The following FKBP7 variants were observed in gnomAD, a reference collection of about 807,000 sequenced individuals.
FKBP7 encodes FKBP prolyl isomerase 7.
Under a neutral mutation model 24.3 loss-of-function variants are expected in FKBP7, and 24 were observed. The observed-to-expected ratio is 0.99, with a 90% CI of 0.72 to 1.39. The LOEUF (loss-of-function observed/expected upper bound fraction) is 1.39, where lower values mean the gene tolerates loss of function less well. Ranked by LOEUF, FKBP7 falls within the 40% of genes most tolerant of loss-of-function variation. The pLI is 0.00. For synonymous variants in FKBP7, 98 were observed against 92.8 expected, an observed-to-expected ratio of 1.06 and a Z score of -0.32; for missense variants, 257 against 269.5, an observed-to-expected ratio of 0.95 and a Z score of 0.33.
chr2:178,470,158 C>T (rs1320172467), intron 2 of FKBP7, among the ~76,000 whole-genome samples: 1 of 152,072 alleles, frequency 6.6e-6, no homozygotes, highest in African/African-American at 2.4e-5. Flanking sequence ...TGGATTCAAC[C>T]AGTCTCGGCT....
intron 2 of FKBP7, among the ~76,000 whole-genome samples, chr2:178,475,328 C>T (rs918062479): frequency 6.6e-6 from 1 of 152,080 alleles, no homozygotes. Flanking sequence ...CTCCCAGGTT[C>T]GAGCGATTCT....
intron 2 of FKBP7, among the ~76,000 whole-genome samples, chr2:178,471,438 C>A (rs962144602): frequency 6.6e-6 from 1 of 152,098 alleles, no homozygotes; most frequent in Non-Finnish European, 1.5e-5. Flanking sequence ...GTCTCAAACT[C>A]CTGACCTCAA....
At chr2:178,468,932 T>C (rs1684765778) in intron 3 of FKBP7, among the ~76,000 whole-genome samples, 1 of 151,684 alleles carries the variant, frequency 6.6e-6, no homozygotes, top group South Asian at 2.1e-4. Flanking sequence ...AGTGGCATGA[T>C]CACAGCTCAC....
chr2:178,477,109 C>T lies in FKBP7; in HGVS notation c.326G>A (p.Arg109Gln), dbSNP rs752288280. 22 of 1,612,824 alleles carry T rather than the reference C, an allele frequency of 1.4e-5. No individual in the cohort carries two copies. The highest frequency in any genetic ancestry group is 8.8e-5 in the South Asian group (8 of 90,840). The change falls in exon 2 of 4, where the codon CGA (arginine) becomes CAA (glutamine). Residue 109 changes from arginine (R) to glutamine (Q), a missense_variant. Coordinates refer to ENST00000424785, the MANE Select transcript of FKBP7 (RefSeq NM_181342.3). ...AMTDMCPGEK[R>Q]KVVIPPSFAY... is the part of the protein sequence containing the mutation. ...AAATGAAGGGGGTATAACTACTTTT[C>T]GCTTTTCTCCAGGGCACATATCTGT...
At chr2:178,473,267 A>G (rs1371857985) in intron 2 of FKBP7, 2 of 406,036 alleles carry the variant, frequency 4.9e-6, no homozygotes, top group Non-Finnish European at 9.9e-6. Context: ...AAATAATGTA[A>G]TCCAAGGTAT....
Position 178,477,201 on chromosome 2 carries a change from A to G in FKBP7, c.234T>C (p.Asn78=), listed in dbSNP as rs756204209. ...GSKFYCSRTQ[N]EGHPKWFVLG... is the part of the protein sequence containing the mutation. Reference sequence around the variant, plus strand: ...GAACAAACCATTTGGGGTGGCCTTCATTTTGTGTCCGGCTATAACAAAAAG... The same window carrying G: ...GAACAAACCATTTGGGGTGGCCTTCGTTTTGTGTCCGGCTATAACAAAAAG... The change falls in exon 2 of 4, where the codon AAT becomes AAC. Residue 78 remains asparagine (N), a synonymous_variant. Transcript: ENST00000424785. The G allele has an allele frequency of 6.2e-7, 1 of 1,610,344 alleles. No homozygotes were observed. Among genetic ancestry groups the G allele is most frequent in the East Asian group, 2.2e-5 (1 of 44,832 alleles).
At chr2:178,466,072 G>A (rs759684409) in intron 3 of FKBP7, 141 bp from the exon 4 acceptor site, 20 of 689,816 alleles carry the variant, frequency 2.9e-5, no homozygotes, top group Non-Finnish European at 3.7e-5. Context: ...AGCTATTTGA[G>A]GTTTTATTTT....
intron 2 of FKBP7, among the ~76,000 whole-genome samples, chr2:178,475,380 C>T (rs1684971026): frequency 6.6e-6 from 1 of 152,200 alleles, no homozygotes. Context: ...CAGGCACACT[C>T]TACCACACCC....
At chr2:178,475,638 T>A (rs1304123173) in intron 2 of FKBP7, among the ~76,000 whole-genome samples, 1 of 152,248 alleles carries the variant, frequency 6.6e-6, no homozygotes, top group African/African-American at 2.4e-5. Context: ...TGTTTGCTAA[T>A]CTGATGAGTG....
intron 2 of FKBP7, among the ~76,000 whole-genome samples, chr2:178,472,725 T>C (rs1472746724): frequency 1.3e-5 from 2 of 151,846 alleles, no homozygotes; most frequent in African/African-American, 2.4e-5. Context: ...GGCGTGTGCC[T>C]GTAATCCCAG....
chr2:178,471,353 G>C (rs1456211402), intron 2 of FKBP7, among the ~76,000 whole-genome samples: 1 of 151,828 alleles, frequency 6.6e-6, no homozygotes, highest in Non-Finnish European at 1.5e-5. Context: ...GGGATTACAG[G>C]TGCCTGCCAC....
chr2:178,478,503 C>A lies in FKBP7; in HGVS notation c.-4G>T, dbSNP rs777180461. 1.2e-6 allele frequency: 2 copies of A among 1,613,880 alleles called. No homozygotes were observed. Among genetic ancestry groups the A allele is most frequent in the Non-Finnish European group, 1.7e-6 (2 of 1,180,010 alleles). ...AGAAATGCATGGTTTTTGGCATCGG[C>A]TCCAGCAGAACACTGCTCTCCCTCC... On this transcript the variant is annotated 5_prime_UTR_variant, in exon 1 of 4. Transcript: ENST00000424785.
At chr2:178,477,893 G>T (rs1424292250) in intron 1 of FKBP7, among the ~76,000 whole-genome samples, 1 of 152,110 alleles carries the variant, frequency 6.6e-6, no homozygotes, top group Middle Eastern at 3.2e-3. Context: ...TCGTGCTTCT[G>T]AAGGCCAGAA....
rs1405091042 is a variant in FKBP7 at position 178,465,280 on chromosome 2, T to A, written c.*490A>T. The A allele has an allele frequency of 6.6e-6, 1 of 152,240 alleles. No homozygotes were observed. Among genetic ancestry groups the A allele is most frequent in the Non-Finnish European group, 1.5e-5 (1 of 68,048 alleles). The allele number at this position is 152,240 out of a possible 1,614,324, so 9.4% of individuals were successfully genotyped here. ...CTGCACATATACCAAAGGAAGACTC[T>A]TCAGTTCTAGGATTTTTATATCGTC... On this transcript the variant is annotated 3_prime_UTR_variant, in exon 4 of 4. Transcript: ENST00000424785.
rs555750246 is a variant in FKBP7, at chr2:178,477,337, C to G, written c.222-124G>C. ...CCCATATAATCACTCTTTCTAAAAC[C>G]CTTAATGGGGTGTTTGACTCAAACT... On this transcript the variant is annotated intron_variant, in intron 1 of 3. Transcript: ENST00000424785. 1,588 of 933,546 alleles carry G rather than the reference C, an allele frequency of 1.7e-3. 33 individuals are homozygous for G. In the South Asian group the frequency reaches 0.017, roughly 10 times the overall value. 57.8% of individuals were successfully genotyped at this position (933,546 alleles called of 1,614,324 possible).
chr2:178,472,536 G>A (rs535038264), intron 2 of FKBP7, among the ~76,000 whole-genome samples: 3 of 151,458 alleles, frequency 2.0e-5, no homozygotes, highest in Admixed American at 6.6e-5. Context: ...GTGCAATGGC[G>A]CGATCTCGGC....
In FKBP7 at chr2:178,478,474, A is replaced by T. The variant is rs1285707484; in HGVS notation, c.26T>A (p.Phe9Tyr). The change falls in exon 1 of 4, where the codon TTC (phenylalanine) becomes TAC (tyrosine). Residue 9 changes from phenylalanine (F) to tyrosine (Y), a missense_variant. Transcript: ENST00000424785. MPKTMHFL[F>Y]RFIVFFYLWG... Reference sequence around the variant, plus strand: ...CAGATAAAAGAAAACAATGAATCTGAATAAGAAATGCATGGTTTTTGGCAT... The same window carrying T: ...CAGATAAAAGAAAACAATGAATCTGTATAAGAAATGCATGGTTTTTGGCAT... 3.1e-6 allele frequency: 5 copies of T among 1,614,162 alleles called. No individual in the cohort carries two copies. Among genetic ancestry groups the T allele is most frequent in the Non-Finnish European group, 4.2e-6 (5 of 1,180,038 alleles).
At chr2:178,465,971 C>A in intron 3 of FKBP7, 40 bp from the exon 4 acceptor site, 2 of 1,506,444 alleles carry the variant, frequency 1.3e-6, no homozygotes, top group South Asian at 2.7e-5. Context: ...TAAAAGGTAT[C>A]ACAGTGAATT....
Position 178,465,845 on chromosome 2 carries a change from A to G in FKBP7, c.594T>C (p.Phe198=). ...SYQDAVLEDI[F]KKNDHDGDGF... is the part of the protein sequence containing the mutation. ...CATCACCATCATGGTCATTCTTCTTAAAAATATCTTCTAAAACTGCATCCT... is the reference window on the plus strand; with the variant it reads ...CATCACCATCATGGTCATTCTTCTTGAAAATATCTTCTAAAACTGCATCCT... Residue 198 remains phenylalanine, a synonymous_variant, in exon 4 of 4, where the codon TTT becomes TTC. Transcript: ENST00000424785. 1 of 1,612,498 alleles carries G rather than the reference A, an allele frequency of 6.2e-7. No individual in the cohort carries two copies. Among genetic ancestry groups the G allele is most frequent in the Non-Finnish European group, 8.5e-7 (1 of 1,179,288 alleles).
Sources: allele counts gnomAD v4.1 joint callset (sites outside exome capture counted in the v4.1 genomes callset), GRCh38; gene constraint gnomAD v4.1.1; transcripts MANE v1.5; gene names NCBI Gene and HGNC (gene_info 2026-07-23, HGNC 2026-07-21).